GAB2: variants seen among roughly 807,000 people sequenced by gnomAD.
The protein encoded by GAB2 is GRB2 associated binding protein 2.
A neutral mutation model predicts 65.5 loss-of-function variants in GAB2; 26 were observed. The observed-to-expected ratio is 0.40, with a 90% CI of 0.29 to 0.55. The LOEUF (loss-of-function observed/expected upper bound fraction) is 0.55. GAB2 is among the 20% of genes least tolerant of loss of function. The pLI is 0.53. For synonymous variants in GAB2, 321 were observed against 329.6 expected (o/e 0.97, Z 0.28); for missense variants, 884 against 875.8 (o/e 1.01, Z -0.12).
At chr11:78,417,145 G>A (rs1459521832) in intron 1 of GAB2, among the ~76,000 whole-genome samples, 1 of 152,214 alleles carries the variant, frequency 6.6e-6, no homozygotes, top group Non-Finnish European at 1.5e-5. Context: ...GCGGACGGAG[G>A]GAGGCCGGCG....
chr11:78,343,399 G>A (rs1172752170), intron 1 of GAB2, among the ~76,000 whole-genome samples: 2 of 147,542 alleles, frequency 1.4e-5, no homozygotes, highest in Admixed American at 6.8e-5. Context: ...AGAGAGGGAG[G>A]GAGGGAGGGG....
intron 2 of GAB2, among the ~76,000 whole-genome samples, chr11:78,279,609 C>T (rs759792911): frequency 4.8e-4 from 73 of 152,178 alleles, no homozygotes; most frequent in Middle Eastern, 6.8e-3. Context: ...CATAAGCAGT[C>T]GCTTCTCACA....
At position 78,226,736 on chromosome 11, in the gene GAB2, G is replaced by C. The variant is rs1864672513; in HGVS notation, c.936C>G (p.Asp312Glu). 6.2e-7 allele frequency: 1 copy of C among 1,613,902 alleles called. No homozygotes were observed. Among genetic ancestry groups the C allele is most frequent in the Non-Finnish European group, 8.5e-7 (1 of 1,179,938 alleles). ...GTGGGGTGGCCGGAACATCCATATT[G>C]TCTACCAGGAGGTCCCCGAACTCCC... ...LCREFGDLLV[D>E]NMDVPATPLS... is the part of the protein sequence containing the mutation. Residue 312 changes from aspartate (D) to glutamate (E), a missense_variant, in exon 4 of 10, where the codon GAC (aspartate) becomes GAG (glutamate). By Grantham distance (45) the Asp-to-Glu change is conservative. Transcript: ENST00000361507.
In GAB2 at chr11:78,365,167, C is replaced by T. The variant is rs577465867; in HGVS notation, c.75+52479G>A. 9.9e-5 allele frequency among the ~76,000 whole-genome samples: 15 copies of T among 152,172 alleles called. No homozygotes were observed. The East Asian group carries it at 1.3e-3, about 14-fold the overall frequency. ...TTGTGTAGGAAAAGGAGTCTGGTAACGGACTAGACACAGACAAGAAAATGA... is the reference window on the plus strand; with the variant it reads ...TTGTGTAGGAAAAGGAGTCTGGTAATGGACTAGACACAGACAAGAAAATGA... On this transcript the variant is annotated intron_variant, in intron 1 of 9. Coordinates refer to ENST00000361507, the MANE Select transcript of GAB2 (RefSeq NM_080491.3).
At chr11:78,290,356 T>C (rs1866625811) in intron 1 of GAB2, among the ~76,000 whole-genome samples, 1 of 152,170 alleles carries the variant, frequency 6.6e-6, no homozygotes, top group African/African-American at 2.4e-5. Flanking sequence ...AGTGACTGTT[T>C]TCCTTCTGTC....
At chr11:78,389,889 G>A (rs749493704) in intron 1 of GAB2, among the ~76,000 whole-genome samples, 38 of 152,172 alleles carry the variant, frequency 2.5e-4, no homozygotes, top group Non-Finnish European at 7.3e-5. Flanking sequence ...CCTAGCTGAA[G>A]TTCTTGCACA....
At chr11:78,240,952 A>T (rs1397603123) in intron 3 of GAB2, among the ~76,000 whole-genome samples, 4 of 152,178 alleles carry the variant, frequency 2.6e-5, no homozygotes, top group Non-Finnish European at 5.9e-5. Context: ...TGAGCTTAGA[A>T]ACCCAACGCC....
At chr11:78,293,675 A>C (rs964970221) in intron 1 of GAB2, among the ~76,000 whole-genome samples, 1 of 152,222 alleles carries the variant, frequency 6.6e-6, no homozygotes, top group Non-Finnish European at 1.5e-5. Context: ...TTATGTTCCA[A>C]GCCAGCTCAG....
Position 78,262,076 on chromosome 11 carries a change from G to A in GAB2, c.377-11676C>T, listed in dbSNP as rs112589386. ...GTTGTGGATGCTTATCAAGAATCGTGATCAGCGGCAATAATCACAAGATTG... is the reference window on the plus strand; with the variant it reads ...GTTGTGGATGCTTATCAAGAATCGTAATCAGCGGCAATAATCACAAGATTG... On this transcript the variant is annotated intron_variant, in intron 2 of 9. Transcript: ENST00000361507. Among the ~76,000 whole-genome samples the A allele has an allele frequency of 3.0e-3, 452 of 152,310 alleles. 2 individuals are homozygous for A. Among genetic ancestry groups the A allele is most frequent in the African/African-American group, 0.01 (420 of 41,572 alleles).
In GAB2 at chr11:78,417,791, C is replaced by G. The variant is rs999897491; in HGVS notation, c.-71G>C. The stretch of plus-strand genomic sequence containing the variant: ...GGGCTCGGGCAGCTGGGGCAGCGGC[C>G]GGCGGTGCGCAGCTCGCGGGAGGCC... On this transcript the variant is annotated 5_prime_UTR_variant, in exon 1 of 10. Coordinates refer to ENST00000361507, the MANE Select transcript of GAB2 (RefSeq NM_080491.3). The G allele has an allele frequency of 6.0e-6, 5 of 834,234 alleles. No homozygotes were observed. The highest frequency in any genetic ancestry group is 3.7e-5 in the African/African-American group (2 of 53,864). The allele number at this position is 834,234 out of a possible 1,614,324, so 51.7% of individuals were successfully genotyped here.
intron 1 of GAB2, among the ~76,000 whole-genome samples, chr11:78,394,299 C>CA (rs1374977978): frequency 1.3e-5 from 2 of 151,802 alleles, no homozygotes; most frequent in Admixed American, 6.6e-5. Flanking sequence ...AAAAAAACAC[C>CA]AAAAAACAAA....
At chr11:78,238,206 C>A (rs796215135) in intron 3 of GAB2, among the ~76,000 whole-genome samples, 3,197 of 103,442 alleles carry the variant, frequency 0.031, no homozygotes, top group African/African-American at 0.036. Flanking sequence ...AGGGAAGAAA[C>A]AAAAAAAAAA....
rs373083805 is a variant in GAB2, at chr11:78,412,031, A to AAACAACAAC, written c.75+5606_75+5614dup. 8.4e-3 allele frequency among the ~76,000 whole-genome samples: 1,268 copies of AAACAACAAC among 150,752 alleles called. 11 individuals are homozygous for AAACAACAAC. Among genetic ancestry groups the AAACAACAAC allele is most frequent in the African/African-American group, 0.03 (1,212 of 40,718 alleles). ...GGTGACAGAGTGAGAATCTGTCTAA[A>AAACAACAAC]AACAACAACAACAACAACAACAACA... On this transcript the variant is annotated intron_variant, in intron 1 of 9. Coordinates refer to ENST00000361507, the MANE Select transcript of GAB2 (RefSeq NM_080491.3).
At chr11:78,356,749 C>G (rs929489735) in intron 1 of GAB2, among the ~76,000 whole-genome samples, 9 of 152,146 alleles carry the variant, frequency 5.9e-5, no homozygotes, top group African/African-American at 2.2e-4. Context: ...TGGAAGCAAC[C>G]TGAATATTCA....
intron 1 of GAB2, among the ~76,000 whole-genome samples, chr11:78,368,674 G>T (rs1361446113): frequency 2.6e-5 from 4 of 151,840 alleles, no homozygotes; most frequent in Non-Finnish European, 5.9e-5. Context: ...ACATATGTTT[G>T]TAACAGAACT....
intron 2 of GAB2, among the ~76,000 whole-genome samples, chr11:78,261,636 T>G (rs1035181145): frequency 6.6e-6 from 1 of 152,142 alleles, no homozygotes; most frequent in Non-Finnish European, 1.5e-5. Context: ...GGTTAGTTGG[T>G]CCCATCAAGG....
chr11:78,389,056 T>C (rs569299302), intron 1 of GAB2, among the ~76,000 whole-genome samples: 167 of 152,276 alleles, frequency 1.1e-3, no homozygotes, highest in African/African-American at 2.8e-3. Flanking sequence ...ACTCAACAGG[T>C]GGTAAAATTA....
chr11:78,324,996 A>C (rs1322007600), intron 1 of GAB2, among the ~76,000 whole-genome samples: 6 of 152,220 alleles, frequency 3.9e-5, no homozygotes, highest in Non-Finnish European at 8.8e-5. Flanking sequence ...GAAATCAGTC[A>C]TGGTGTGAAT....
chr11:78,264,141 A>C (rs576985912), intron 2 of GAB2, among the ~76,000 whole-genome samples: 1 of 152,230 alleles, frequency 6.6e-6, no homozygotes, highest in African/African-American at 2.4e-5. Flanking sequence ...ATTTGCTTTG[A>C]TGTCAATACA....
Sources: allele counts gnomAD v4.1 joint callset (sites outside exome capture counted in the v4.1 genomes callset), GRCh38; gene constraint gnomAD v4.1.1; transcripts MANE v1.5; gene names NCBI Gene and HGNC (gene_info 2026-07-23, HGNC 2026-07-21).